PLEKHA5: variants seen among roughly 807,000 people sequenced by gnomAD.
PLEKHA5 encodes the protein pleckstrin homology domain containing A5, also known as pleckstrin homology domain-containing family A member 5.
A neutral mutation model predicts 181.9 loss-of-function variants in PLEKHA5; 55 were observed. The observed-to-expected ratio is 0.30, with a 90% CI of 0.24 to 0.38. The LOEUF is 0.38. Among genes scored for constraint, PLEKHA5 ranks in the 10% least tolerant of loss-of-function variants. PLEKHA5 has a pLI of 1.00. For missense variants in PLEKHA5, 1,432 were observed against 1,549.5 expected (o/e 0.92, Z 1.27); for synonymous variants, 535 against 529.4 (o/e 1.01, Z -0.15).
chr12:19,321,295 G>C, intron 18 of PLEKHA5, among the ~76,000 whole-genome samples: 1 of 147,484 alleles, frequency 6.8e-6, no homozygotes, highest in Admixed American at 6.8e-5. Context: ...TCATATTTTA[G>C]ATTGCTGATT....
At chr12:19,159,365 A>G (rs760210353) in intron 3 of PLEKHA5, among the ~76,000 whole-genome samples, 2 of 152,170 alleles carry the variant, frequency 1.3e-5, no homozygotes, top group African/African-American at 2.4e-5. Flanking sequence ...ACTTGAAACA[A>G]TGATGTATTC....
intron 25 of PLEKHA5, among the ~76,000 whole-genome samples, chr12:19,350,647 T>C (rs2094547663): frequency 6.6e-6 from 1 of 152,058 alleles, no homozygotes; most frequent in Non-Finnish European, 1.5e-5. Flanking sequence ...CGGGCACCTG[T>C]AATTCCAGCT....
chr12:19,220,454 G>A (rs906696388), intron 3 of PLEKHA5, among the ~76,000 whole-genome samples: 1 of 152,016 alleles, frequency 6.6e-6, no homozygotes, highest in Admixed American at 6.6e-5. Context: ...CCCGGTTGTG[G>A]ACAAGCTATG....
At chr12:19,251,332 A>G (rs1390303286) in intron 3 of PLEKHA5, among the ~76,000 whole-genome samples, 1 of 151,558 alleles carries the variant, frequency 6.6e-6, no homozygotes, top group Non-Finnish European at 1.5e-5. Flanking sequence ...CTTTGAACCC[A>G]GGAGGCAGAG....
At chr12:19,252,436 G>T (rs1297261283) in intron 3 of PLEKHA5, among the ~76,000 whole-genome samples, 2 of 152,032 alleles carry the variant, frequency 1.3e-5, no homozygotes, top group East Asian at 3.9e-4. Flanking sequence ...AATTATTATA[G>T]ACTATTTAAT....
intron 20 of PLEKHA5, among the ~76,000 whole-genome samples, chr12:19,325,231 G>C (rs566753682): frequency 2.0e-5 from 3 of 151,884 alleles, no homozygotes; most frequent in African/African-American, 7.2e-5. Context: ...ATCTCTACAA[G>C]AAACAAAAAA....
chr12:19,369,645 T>A (rs1211974363), intron 30 of PLEKHA5, 48 bp from the exon 31 acceptor site: 21 of 1,157,514 alleles, frequency 1.8e-5, no homozygotes, highest in Non-Finnish European at 2.7e-5. Context: ...CTTCTCCAAA[T>A]GTGTCTTAAA....
At chr12:19,330,333 T>G (rs1254713653) in intron 20 of PLEKHA5, among the ~76,000 whole-genome samples, 1 of 152,170 alleles carries the variant, frequency 6.6e-6, no homozygotes, top group African/African-American at 2.4e-5. Flanking sequence ...TATGGATAGC[T>G]TTATAATTGT....
chr12:19,144,000 C>T (rs979400265), intron 3 of PLEKHA5, among the ~76,000 whole-genome samples: 1 of 152,144 alleles, frequency 6.6e-6, no homozygotes. Context: ...TGGTTCATCA[C>T]TTAACATTTG....
At chr12:19,322,136 C>T (rs2091023413) in intron 18 of PLEKHA5, among the ~76,000 whole-genome samples, 174 bp from the exon 19 acceptor site, 4 of 152,220 alleles carry the variant, frequency 2.6e-5, no homozygotes, top group Middle Eastern at 3.4e-3. Flanking sequence ...ACCTATTTAG[C>T]AGATTGTAGA....
intron 3 of PLEKHA5, among the ~76,000 whole-genome samples, chr12:19,233,254 C>G (rs1261414939): frequency 6.6e-6 from 1 of 151,972 alleles, no homozygotes; most frequent in Non-Finnish European, 1.5e-5. Context: ...TTTTCATTAT[C>G]CTTAATTTTT....
At chr12:19,281,082 A>C (rs1453169012) in intron 11 of PLEKHA5, among the ~76,000 whole-genome samples, 1 of 152,126 alleles carries the variant, frequency 6.6e-6, no homozygotes, top group African/African-American at 2.4e-5. Context: ...GGGAAAAATA[A>C]AAAATTAGCC....
At chr12:19,361,165 G>T (rs1399358283) in intron 28 of PLEKHA5, among the ~76,000 whole-genome samples, 2 of 152,002 alleles carry the variant, frequency 1.3e-5, no homozygotes, top group East Asian at 3.9e-4. Flanking sequence ...GATAGAGTGT[G>T]ATTGTTTATT....
chr12:19,131,671 C>A (rs1565846955), intron 2 of PLEKHA5, among the ~76,000 whole-genome samples: 2 of 151,658 alleles, frequency 1.3e-5, no homozygotes, highest in Admixed American at 6.6e-5. Context: ...TATGTGATTT[C>A]ACTTTTTTTT....
intron 3 of PLEKHA5, among the ~76,000 whole-genome samples, chr12:19,238,768 T>C (rs1231014941): frequency 6.7e-6 from 1 of 149,724 alleles, no homozygotes; most frequent in African/African-American, 2.5e-5. Flanking sequence ...ATTTCAACTT[T>C]TTTTTGTATG....
rs145545799 is a variant in PLEKHA5, at chr12:19,218,239, G to A, written c.228-35701G>A. Among the ~76,000 whole-genome samples, 131 of 152,212 alleles carry A rather than the reference G, an allele frequency of 8.6e-4. No individual in the cohort carries two copies. In the Middle Eastern group the frequency reaches 0.01, roughly 12 times the overall value. ...AAATAGCATTGTTTTAGATACATCCGAGACATTGCTCCACAGAGAGTTATA... is the reference window on the plus strand; with the variant it reads ...AAATAGCATTGTTTTAGATACATCCAAGACATTGCTCCACAGAGAGTTATA... On this transcript the variant is annotated intron_variant, in intron 3 of 31. Transcript: ENST00000429027.
At chr12:19,257,863 A>G (rs982228169) in intron 6 of PLEKHA5, among the ~76,000 whole-genome samples, 7 of 152,270 alleles carry the variant, frequency 4.6e-5, no homozygotes, top group African/African-American at 1.7e-4. Context: ...CAAAATTGAA[A>G]TAAACAACTA....
At chr12:19,367,343 C>T (rs2095456979) in intron 30 of PLEKHA5, among the ~76,000 whole-genome samples, 1 of 144,600 alleles carries the variant, frequency 6.9e-6, no homozygotes, top group African/African-American at 2.5e-5. Context: ...GCAATCTCCA[C>T]CTCCCAGGTT....
intron 16 of PLEKHA5, chr12:19,319,499 A>C (rs547932688): frequency 1.3e-5 from 2 of 152,556 alleles, no homozygotes; most frequent in East Asian, 3.9e-4. Context: ...TAGAATTGTC[A>C]TTTATACATT....
Sources: gnomAD v4.1 joint callset for allele counts (sites outside exome capture counted in the v4.1 genomes callset) on GRCh38, gnomAD v4.1.1 for gene constraint, MANE v1.5 for transcripts, NCBI Gene and HGNC (gene_info 2026-07-23, HGNC 2026-07-21) for gene names.